TMEM272: variants seen among roughly 807,000 people sequenced by gnomAD.
TMEM272 encodes transmembrane protein 272.
In TMEM272, 8 loss-of-function variants were observed where a neutral mutation model predicts 3.7. The ratio of observed to expected loss-of-function variants is 2.17; its 90% CI spans 1.27 to 3.91. TMEM272 has a LOEUF of 3.91. Among genes scored for constraint, TMEM272 ranks in the 30% most tolerant of loss-of-function variants. The pLI is 0.00. For missense variants in TMEM272, 166 were observed against 91.5 expected (o/e 1.81, Z -3.32); for synonymous variants, 63 against 39.8 (o/e 1.58, Z -2.20).
chr13:51,868,340 C>A, the TMEM272 span, among the ~76,000 whole-genome samples: 1 of 152,184 alleles, frequency 6.6e-6, no homozygotes, highest in East Asian at 1.9e-4. Flanking sequence ...TGAGAGAGCA[C>A]TACAGCAGTG....
Position 51,813,582 on chromosome 13 carries a change from C to T in TMEM272, c.*3169G>A, listed in dbSNP as rs1955987462. 2 of 256,766 alleles carry T rather than the reference C, an allele frequency of 7.8e-6. No homozygotes were observed. The highest frequency in any genetic ancestry group is 2.2e-5 in the African/African-American group (1 of 45,006). The allele number at this position is 256,766 out of a possible 1,614,324, so 15.9% of individuals were successfully genotyped here. A position where few individuals can be genotyped will look rare whatever the true frequency, so the allele number is the denominator to read the frequency against. ...TATGTGTGGCCCGAGTGCACACATGCGGTTTCTCTGGCCACCGAATCAGAA... is the reference window on the plus strand; with the variant it reads ...TATGTGTGGCCCGAGTGCACACATGTGGTTTCTCTGGCCACCGAATCAGAA... On this transcript the variant is annotated 3_prime_UTR_variant, in exon 5 of 5. Coordinates refer to ENST00000629372, the MANE Select transcript of TMEM272 (RefSeq NM_001351003.2).
the TMEM272 span, chr13:51,866,239 T>C: frequency 4.9e-6 from 3 of 616,880 alleles, no homozygotes; most frequent in Non-Finnish European, 5.5e-6. Context: ...CCAACTTATT[T>C]GAGGAAGGCT....
chr13:51,830,580 G>A (rs1050263257), intron 2 of TMEM272, among the ~76,000 whole-genome samples: 1 of 152,144 alleles, frequency 6.6e-6, no homozygotes, highest in African/African-American at 2.4e-5. Context: ...GCAGGGTCTG[G>A]CACATAATAA....
At chr13:51,851,929 A>C in the TMEM272 span, among the ~76,000 whole-genome samples, 1 of 152,248 alleles carries the variant, frequency 6.6e-6, no homozygotes, top group African/African-American at 2.4e-5. Context: ...AATCTTTTGG[A>C]ATTACAAACA....
intron 3 of TMEM272, among the ~76,000 whole-genome samples, chr13:51,822,850 G>A (rs767933659): frequency 6.6e-6 from 1 of 152,152 alleles, no homozygotes; most frequent in South Asian, 2.1e-4. Flanking sequence ...TCAGGTCTTT[G>A]TTCCCTAGAC....
At chr13:51,914,846 G>A in the TMEM272 span, among the ~76,000 whole-genome samples, 2 of 152,200 alleles carry the variant, frequency 1.3e-5, no homozygotes, top group Non-Finnish European at 2.9e-5. Context: ...TGAGGCCCAC[G>A]TTTGAACTCC....
the TMEM272 span, among the ~76,000 whole-genome samples, chr13:51,888,046 C>CT: frequency 0.062 from 8,834 of 141,766 alleles, 299 homozygotes; most frequent in Middle Eastern, 0.11. Context: ...TTGACACAAT[C>CT]TTTTTTTTTT....
the TMEM272 span, among the ~76,000 whole-genome samples, chr13:51,885,414 TGC>T: frequency 6.6e-6 from 1 of 151,934 alleles, no homozygotes. Context: ...AGAGAATGAG[TGC>T]CAGCAGGGGA....
chr13:51,840,993 C>T (rs1010021326), intron 1 of TMEM272, among the ~76,000 whole-genome samples: 1 of 152,214 alleles, frequency 6.6e-6, no homozygotes, highest in Admixed American at 6.5e-5. Flanking sequence ...AAGCCATGGA[C>T]AAATGGCTAC....
chr13:51,826,003 G>A (rs556011537), intron 3 of TMEM272, among the ~76,000 whole-genome samples: 1 of 152,146 alleles, frequency 6.6e-6, no homozygotes, highest in South Asian at 2.1e-4. Flanking sequence ...TCACTGACAC[G>A]TGATAACAAT....
chr13:51,905,878 T>C, the TMEM272 span, among the ~76,000 whole-genome samples: 2 of 152,134 alleles, frequency 1.3e-5, no homozygotes, highest in African/African-American at 4.8e-5. Flanking sequence ...TTCAATCGGA[T>C]TGAGAATGAA....
chr13:51,900,603 C>T, the TMEM272 span, among the ~76,000 whole-genome samples: 10 of 152,130 alleles, frequency 6.6e-5, no homozygotes, highest in Non-Finnish European at 2.9e-5. Context: ...CAATTCCACT[C>T]CCAGGTGTCT....
chr13:51,839,367 G>T (rs1218190591), intron 1 of TMEM272, among the ~76,000 whole-genome samples: 1 of 152,178 alleles, frequency 6.6e-6, no homozygotes, highest in African/African-American at 2.4e-5. Flanking sequence ...GAGTCACTTT[G>T]TTCCTGAGGC....
At chr13:51,837,200 G>A (rs939512383) in intron 2 of TMEM272, among the ~76,000 whole-genome samples, 2 of 152,164 alleles carry the variant, frequency 1.3e-5, no homozygotes, top group Non-Finnish European at 1.5e-5. Context: ...CCCTTTTTCT[G>A]GGAAACCCTG....
the TMEM272 span, among the ~76,000 whole-genome samples, chr13:51,859,505 A>AACACACACACACACACAC: frequency 9.2e-5 from 12 of 129,868 alleles, no homozygotes; most frequent in African/African-American, 2.9e-4. Flanking sequence ...CTCCCAACCA[A>AACACACACACACACACAC]ACACACACAC....
chr13:51,931,476 C>G, the TMEM272 span, among the ~76,000 whole-genome samples: 1 of 151,056 alleles, frequency 6.6e-6, no homozygotes, highest in Non-Finnish European at 1.5e-5. Context: ...ACATCACACA[C>G]TGGGGCCTGC....
chr13:51,871,196 T>TC, the TMEM272 span, among the ~76,000 whole-genome samples: 4 of 150,436 alleles, frequency 2.7e-5, no homozygotes, highest in Non-Finnish European at 5.9e-5. Flanking sequence ...GTATGACTTT[T>TC]TTTTTTTTTT....
chr13:51,877,310 A>ATATG, the TMEM272 span, among the ~76,000 whole-genome samples: 1 of 152,190 alleles, frequency 6.6e-6, no homozygotes, highest in African/African-American at 2.4e-5. Flanking sequence ...TCCCCATGTC[A>ATATG]TATGCTACAT....
chr13:51,905,429 AT>A, the TMEM272 span, among the ~76,000 whole-genome samples: 1 of 152,138 alleles, frequency 6.6e-6, no homozygotes, highest in Non-Finnish European at 1.5e-5. Flanking sequence ...AGGCCCTCTC[AT>A]TTGGAGAGCA....
Sources: allele counts gnomAD v4.1 joint callset (sites outside exome capture counted in the v4.1 genomes callset), GRCh38; gene constraint gnomAD v4.1.1; transcripts MANE v1.5; gene names NCBI Gene and HGNC (gene_info 2026-07-23, HGNC 2026-07-21).